The following VRK1 variants were observed in gnomAD, a reference collection of about 807,000 sequenced individuals.
VRK1 encodes VRK serine/threonine kinase 1.
In VRK1, 33 loss-of-function variants were observed where a neutral mutation model predicts 57.1. The observed-to-expected ratio is 0.58, with a 90% CI of 0.44 to 0.77. The LOEUF is 0.77. Ranked by LOEUF, VRK1 falls within the 30% of genes least tolerant of loss-of-function variation. The probability of loss-of-function intolerance (pLI) is 0.00; values close to 1 mark genes in which losing one functional copy is unlikely to be tolerated. For missense variants in VRK1, 413 were observed against 477.3 expected (o/e 0.87, Z 1.25); for synonymous variants, 137 against 147.8 (o/e 0.93, Z 0.53).
chr14:96,865,015 C>A (rs1028538954), intron 11 of VRK1, among the ~76,000 whole-genome samples: 2 of 151,516 alleles, frequency 1.3e-5, no homozygotes, highest in Admixed American at 6.6e-5. Flanking sequence ...ATATCATCTT[C>A]CAGTTGGTGT....
chr14:96,802,478 G>A (rs1398905537), intron 1 of VRK1, among the ~76,000 whole-genome samples: 1 of 152,194 alleles, frequency 6.6e-6, no homozygotes, highest in Non-Finnish European at 1.5e-5. Context: ...TAAGGGCATT[G>A]TATTGAGTGA....
chr14:96,798,745 C>G (rs1025916127), intron 1 of VRK1, among the ~76,000 whole-genome samples: 2 of 152,098 alleles, frequency 1.3e-5, no homozygotes, highest in African/African-American at 4.8e-5. Flanking sequence ...GAAGCATTTT[C>G]AGAAGGAAGC....
In VRK1 at chr14:96,837,825, A is replaced by G. The variant is rs369680885; in HGVS notation, c.216+8A>G. On this transcript the variant is annotated splice_region_variant and intron_variant, in intron 3 of 12. Coordinates refer to ENST00000216639, the MANE Select transcript of VRK1 (RefSeq NM_003384.3). ...CCTTGTGTTGTAAAAGTGGTAAGAAATATTTTAGCTAATTTGTTTCTTTTC... is the reference window on the plus strand; with the variant it reads ...CCTTGTGTTGTAAAAGTGGTAAGAAGTATTTTAGCTAATTTGTTTCTTTTC... 38 of 1,543,222 alleles carry G rather than the reference A, an allele frequency of 2.5e-5. No individual in the cohort carries two copies. In the African/African-American group the frequency reaches 5.1e-4, roughly 21 times the overall value.
At chr14:96,818,631 TA>T (rs1886480870) in intron 1 of VRK1, among the ~76,000 whole-genome samples, 1 of 152,210 alleles carries the variant, frequency 6.6e-6, no homozygotes, top group Non-Finnish European at 1.5e-5. Flanking sequence ...TTTTGATACT[TA>T]TTTTTTTAAT....
intron 1 of VRK1, among the ~76,000 whole-genome samples, chr14:96,803,185 T>C (rs368704983): frequency 6.6e-6 from 1 of 151,190 alleles, no homozygotes; most frequent in Admixed American, 6.6e-5. Flanking sequence ...TTTTTTTTTT[T>C]TTTGAGGCAG....
intron 12 of VRK1, among the ~76,000 whole-genome samples, chr14:96,880,500 GTGGGGTGAAATGTCT>G (rs1019689196): frequency 9.2e-5 from 14 of 152,196 alleles, no homozygotes; most frequent in Non-Finnish European, 2.9e-5. Flanking sequence ...GGAGTAGTAG[GTGGGGTGAAATGTCT>G]TGGTGAGGCA....
chr14:96,853,076 G>A lies in VRK1; in HGVS notation c.486G>A (p.Leu162=). The A allele has an allele frequency of 6.2e-7, 1 of 1,613,632 alleles. No homozygotes were observed. The highest frequency in any genetic ancestry group is 8.5e-7 in the Non-Finnish European group (1 of 1,179,708). The change falls in exon 7 of 13, where the codon CTG becomes CTA. Residue 162 remains leucine (L), a splice_region_variant and synonymous_variant. Coordinates refer to ENST00000216639, the MANE Select transcript of VRK1 (RefSeq NM_003384.3). The part of the protein sequence containing the change: ...KTVLQLSLRI[L]DILEYIHEHE... ...TATTCTGTATGATACTTTCATAGCT[G>A]GATATTCTGGAATATATTCACGAGC... is the stretch of plus-strand genomic sequence containing the variant.
chr14:96,860,780 A>G (rs371402043), intron 11 of VRK1, 45 bp downstream of exon 11: 12 of 1,591,694 alleles, frequency 7.5e-6, no homozygotes, highest in Middle Eastern at 1.7e-4. Context: ...TTGTGTTTAT[A>G]ATTGCAATAA....
intron 1 of VRK1, among the ~76,000 whole-genome samples, chr14:96,825,577 T>A (rs1025038735): frequency 6.6e-6 from 1 of 152,188 alleles, no homozygotes; most frequent in African/African-American, 2.4e-5. Context: ...ATTTGTCACA[T>A]GCAATAAGAG....
At chr14:96,873,174 C>T (rs1888893570) in intron 11 of VRK1, among the ~76,000 whole-genome samples, 1 of 152,116 alleles carries the variant, frequency 6.6e-6, no homozygotes, top group Admixed American at 6.6e-5. Flanking sequence ...TCTTTTGATG[C>T]TTGACTTGGG....
At chr14:96,807,646 A>G (rs1885934022) in intron 1 of VRK1, among the ~76,000 whole-genome samples, 1 of 152,164 alleles carries the variant, frequency 6.6e-6, no homozygotes, top group African/African-American at 2.4e-5. Flanking sequence ...TCCTTTTGTG[A>G]CCACATCATA....
At chr14:96,808,054 T>C (rs7494297) in intron 1 of VRK1, among the ~76,000 whole-genome samples, 9,190 of 143,018 alleles carry the variant, frequency 0.064, 357 homozygotes, top group Middle Eastern at 0.11. Flanking sequence ...TGTGTGTGTG[T>C]GCATGTGATT....
chr14:96,849,959 C>T (rs1167451410), intron 5 of VRK1, among the ~76,000 whole-genome samples: 3 of 152,170 alleles, frequency 2.0e-5, no homozygotes, highest in African/African-American at 7.2e-5. Flanking sequence ...GACTTGGGCA[C>T]TGCTGGAAAG....
Position 96,856,445 on chromosome 14 carries a change from T to C in VRK1, c.831-83T>C, listed in dbSNP as rs1888156927. 7 of 1,391,050 alleles carry C rather than the reference T, an allele frequency of 5.0e-6. No homozygotes were observed. The South Asian group carries it at 7.3e-5, about 14-fold the overall frequency. The allele number at this position is 1,391,050 out of a possible 1,614,324, so 86.2% of individuals were successfully genotyped here. On this transcript the variant is annotated intron_variant, in intron 9 of 12. Transcript: ENST00000216639. ...TAAGCATATTTAGGATGTAGCACAA[T>C]ATAGCTTAATGTGCTATATATTTTT...
chr14:96,818,558 T>G (rs1886477983), intron 1 of VRK1, among the ~76,000 whole-genome samples: 1 of 152,236 alleles, frequency 6.6e-6, no homozygotes, highest in South Asian at 2.1e-4. Context: ...GATAAATCTA[T>G]GAATTTATGG....
Position 96,833,569 on chromosome 14 carries a change from C to CA in VRK1, c.104dup (p.Glu36GlyfsTer20). On this transcript the variant is annotated frameshift_variant, in exon 2 of 13. Transcript: ENST00000216639. LOFTEE classifies it high-confidence loss of function. ...GTTGGAGAGATAATAACTGACATGG[C>CA]AAAAAAGGAATGGAAAGTAGGATTA... The CA allele has an allele frequency of 6.2e-7, 1 of 1,613,544 alleles. No homozygotes were observed. The highest frequency in any genetic ancestry group is 8.5e-7 in the Non-Finnish European group (1 of 1,179,734).
intron 1 of VRK1, among the ~76,000 whole-genome samples, chr14:96,813,055 A>G (rs932770532): frequency 1.3e-5 from 2 of 152,238 alleles, no homozygotes; most frequent in African/African-American, 4.8e-5. Context: ...TTGGTTTCAC[A>G]TCATGTGGCA....
intron 3 of VRK1, among the ~76,000 whole-genome samples, chr14:96,843,244 T>C (rs1887539185): frequency 6.6e-6 from 1 of 152,230 alleles, no homozygotes; most frequent in Non-Finnish European, 1.5e-5. Flanking sequence ...GCTGACAGAC[T>C]TAATATGAAA....
intron 2 of VRK1, among the ~76,000 whole-genome samples, chr14:96,834,148 C>G (rs923640572): frequency 6.6e-6 from 1 of 151,910 alleles, no homozygotes; most frequent in African/African-American, 2.4e-5. Flanking sequence ...TTTTGGGGAC[C>G]CGTTGTGGAA....
Sources: allele counts gnomAD v4.1 joint callset (sites outside exome capture counted in the v4.1 genomes callset), GRCh38; gene constraint gnomAD v4.1.1; transcripts MANE v1.5; gene names NCBI Gene and HGNC (gene_info 2026-07-23, HGNC 2026-07-21).